The following ZFP64 variants were observed in gnomAD, a reference collection of about 807,000 sequenced individuals.
The protein encoded by ZFP64 is ZFP64 zinc finger protein, also known as zinc finger protein 64.
In ZFP64, 14 loss-of-function variants were observed where a neutral mutation model predicts 51.6. That is an observed-to-expected ratio of 0.27 (90% CI 0.18 to 0.42). ZFP64 has a LOEUF of 0.42. Among genes scored for constraint, ZFP64 ranks in the 10% least tolerant of loss-of-function variants. The pLI, the probability that ZFP64 is intolerant of heterozygous loss-of-function variation, is 1.00. For synonymous variants in ZFP64, 375 were observed against 361.4 expected (o/e 1.04, Z -0.43); for missense variants, 754 against 906.8 (o/e 0.83, Z 2.16).
Position 52,152,929 on chromosome 20 carries a change from G to T in ZFP64, c.1263C>A (p.Ala421=). Residue 421 remains alanine (A), a synonymous_variant, in exon 6 of 6, where the codon GCC becomes GCA. Transcript: ENST00000216923. ...QSSRQVAKLD[A]KKSFHCDICD... ...ATATATCGCAGTGGAAACTCTTCTT[G>T]GCATCCAGCTTGGCCACCTGCCGGC... The T allele has an allele frequency of 1.2e-6, 2 of 1,613,766 alleles. No homozygotes were observed. Among genetic ancestry groups the T allele is most frequent in the South Asian group, 2.2e-5 (2 of 91,076 alleles).
chr20:52,084,353 C>G (rs563165584), exon 9 of ZFP64: 15 of 575,412 alleles, frequency 2.6e-5, no homozygotes, highest in African/African-American at 2.6e-4. Flanking sequence ...AGGGAAGAGA[C>G]AAATGCGAGG....
chr20:52,102,850 C>CATGTATT (rs2079067996), intron 5 of ZFP64, among the ~76,000 whole-genome samples: 2 of 152,192 alleles, frequency 1.3e-5, no homozygotes, highest in Non-Finnish European at 2.9e-5. Context: ...AAGAGAACCT[C>CATGTATT]ATGTATTAGT....
chr20:52,168,631 C>T (rs1982473687), intron 2 of ZFP64, among the ~76,000 whole-genome samples: 1 of 152,148 alleles, frequency 6.6e-6, no homozygotes, highest in Non-Finnish European at 1.5e-5. Flanking sequence ...TAGAACTTAA[C>T]CCAGCTCTGT....
chr20:52,191,577 G>A lies in ZFP64; in HGVS notation c.46+14C>T, dbSNP rs374550485. The A allele has an allele frequency of 8.3e-6, 13 of 1,574,018 alleles. No individual in the cohort carries two copies. In the African/African-American group the frequency reaches 1.5e-4, roughly 19 times the overall value. Reference sequence around the variant, plus strand: ...GGGCCCCGGAGCGCGCACTGCTCCCGGAAAAGCACTTACTTTGCACCGAGC... The same window carrying A: ...GGGCCCCGGAGCGCGCACTGCTCCCAGAAAAGCACTTACTTTGCACCGAGC... On this transcript the variant is annotated intron_variant, in intron 1 of 5. Coordinates refer to ENST00000216923, the MANE Select transcript of ZFP64 (RefSeq NM_018197.3). The surrounding 1 kb of genome is among the most constrained non-coding windows in gnomAD (Gnocchi z 4.3).
Position 52,191,354 on chromosome 20 carries a change from C to A in ZFP64, c.46+237G>T, listed in dbSNP as rs1157994991. On this transcript the variant is annotated intron_variant, in intron 1 of 5. Transcript: ENST00000216923. The surrounding 1 kb of genome is among the most constrained non-coding windows in gnomAD (Gnocchi z 4.3). The stretch of plus-strand genomic sequence containing the variant: ...CCCCCACTGTTCCCTTCCAAGGGGT[C>A]TCGCAAGGCTGGAGAGCGCCCCCGG... 1.3e-5 allele frequency among the ~76,000 whole-genome samples: 2 copies of A among 152,146 alleles called. No homozygotes were observed. The highest frequency in any genetic ancestry group is 2.9e-5 in the Non-Finnish European group (2 of 68,014).
Position 52,191,560 on chromosome 20 carries a change from G to T in ZFP64, c.46+31C>A. The T allele has an allele frequency of 1.3e-6, 2 of 1,557,984 alleles. No homozygotes were observed. The highest frequency in any genetic ancestry group is 1.7e-6 in the Non-Finnish European group (2 of 1,157,106). ...GCCCCGGAGCGCGCACTGGGCCCCG[G>T]AGCGCGCACTGCTCCCGGAAAAGCA... On this transcript the variant is annotated intron_variant, in intron 1 of 5. Transcript: ENST00000216923. This position sits in a 1 kb window ranked among gnomAD's most constrained non-coding sequence, Gnocchi z 4.3.
At position 52,084,397 on chromosome 20, in the gene ZFP64, G is replaced by A. The variant is rs897677981; in HGVS notation, c.*160C>T. The A allele has an allele frequency of 3.0e-6, 2 of 673,880 alleles. 1 individual carries two copies. The highest frequency in any genetic ancestry group is 4.1e-5 in the South Asian group (2 of 48,318). 41.7% of individuals were successfully genotyped at this position (673,880 alleles called of 1,614,324 possible). On this transcript the variant is annotated 3_prime_UTR_variant, in exon 9 of 9. Transcript: ENST00000361387. ...CACAGCCCTGCTTTGCTTTGCTTTC[G>A]TCACTGTCGCCCAGCCATCGCCTCT...
intron 5 of ZFP64, chr20:52,105,683 A>T (rs1002307609): frequency 2.0e-5 from 3 of 151,112 alleles, no homozygotes; most frequent in Non-Finnish European, 2.9e-5. Flanking sequence ...GTCACTGGGG[A>T]TCTCGTTAAA....
At chr20:52,133,122 T>C (rs1436747628) in intron 5 of ZFP64, among the ~76,000 whole-genome samples, 3 of 152,166 alleles carry the variant, frequency 2.0e-5, no homozygotes, top group Non-Finnish European at 4.4e-5. Context: ...TCATTTGAAA[T>C]GATGCTGAAA....
chr20:52,161,533 C>T (rs935771909), intron 4 of ZFP64, among the ~76,000 whole-genome samples: 16 of 149,720 alleles, frequency 1.1e-4, no homozygotes, highest in African/African-American at 4.0e-4. Flanking sequence ...TTTCGATCAC[C>T]TGTTTCATAT....
intron 5 of ZFP64, among the ~76,000 whole-genome samples, chr20:52,102,899 T>C (rs747736857): frequency 6.6e-6 from 1 of 152,218 alleles, no homozygotes; most frequent in South Asian, 2.1e-4. Context: ...TTCACTGATA[T>C]ACACACGTAA....
rs556569883 is a variant in ZFP64, at chr20:52,179,292, G to C, written c.286+7540C>G. ...TGAGTCCAATAAACCTCTTTCTTTT[G>C]TAAACTGTTCAGTCTCTGGTATGTC... On this transcript the variant is annotated intron_variant, in intron 2 of 5. Transcript: ENST00000216923. Among the ~76,000 whole-genome samples the C allele has an allele frequency of 3.3e-5, 5 of 152,214 alleles. No homozygotes were observed. In the South Asian group the frequency reaches 1.0e-3, roughly 32 times the overall value.
chr20:52,122,385 A>G (rs1979230738), intron 5 of ZFP64, among the ~76,000 whole-genome samples: 1 of 151,740 alleles, frequency 6.6e-6, no homozygotes, highest in Admixed American at 6.6e-5. Flanking sequence ...CGGCGCCTGT[A>G]GTCCCAGCTA....
In ZFP64 at chr20:52,160,398, T is replaced by A; in HGVS notation, c.512-24A>T. The A allele has an allele frequency of 1.9e-6, 3 of 1,577,044 alleles. No homozygotes were observed. Among genetic ancestry groups the A allele is most frequent in the Non-Finnish European group, 1.7e-6 (2 of 1,160,350 alleles). On this transcript the variant is annotated intron_variant, in intron 4 of 5. Coordinates refer to ENST00000216923, the MANE Select transcript of ZFP64 (RefSeq NM_018197.3). This position sits in a 1 kb window ranked among gnomAD's most constrained non-coding sequence, Gnocchi z 4.2. ...TCCTTCAAACACATACACACACAGA[T>A]GGCAGCAGGAAACAAGATTAAAAAA...
chr20:52,183,383 C>A (rs1329426780), intron 2 of ZFP64, among the ~76,000 whole-genome samples: 1 of 152,198 alleles, frequency 6.6e-6, no homozygotes. Context: ...TGGCTCCCAT[C>A]CACTGTGAGA....
At chr20:52,188,936 A>T (rs8117988) in intron 1 of ZFP64, among the ~76,000 whole-genome samples, 2 of 152,026 alleles carry the variant, frequency 1.3e-5, no homozygotes, top group Non-Finnish European at 2.9e-5. Flanking sequence ...AGATTGTGCC[A>T]CTGCACTCCA....
At chr20:52,095,020 C>T (rs1019488661) in intron 7 of ZFP64, among the ~76,000 whole-genome samples, 3 of 152,202 alleles carry the variant, frequency 2.0e-5, no homozygotes, top group African/African-American at 7.2e-5. Context: ...AGCCAAGGCA[C>T]ACAAGGTCAA....
At chr20:52,127,872 T>C (rs565913305) in intron 5 of ZFP64, among the ~76,000 whole-genome samples, 1 of 152,354 alleles carries the variant, frequency 6.6e-6, no homozygotes, top group African/African-American at 2.4e-5. Flanking sequence ...GTTGAGGATA[T>C]TCACTGGTAG....
At chr20:52,138,489 C>T (rs1323348941) in intron 5 of ZFP64, among the ~76,000 whole-genome samples, 1 of 148,852 alleles carries the variant, frequency 6.7e-6, no homozygotes, top group African/African-American at 2.5e-5. Context: ...AAAAAAAATA[C>T]AAAATAAGAC....
Sources: allele counts gnomAD v4.1 joint callset (sites outside exome capture counted in the v4.1 genomes callset), GRCh38; gene constraint gnomAD v4.1.1; non-coding constraint Gnocchi (gnomAD v3.1); transcripts MANE v1.5; gene names NCBI Gene and HGNC (gene_info 2026-07-23, HGNC 2026-07-21).